The following NSMCE2 variants were observed in gnomAD, a reference collection of about 807,000 sequenced individuals.
The protein encoded by NSMCE2 is E3 SUMO-protein ligase NSE2.
A neutral mutation model predicts 23.8 loss-of-function variants in NSMCE2; 24 were observed. The observed-to-expected ratio is 1.01, with a 90% confidence interval of 0.73 to 1.42. The LOEUF is 1.42. Ranked by LOEUF, NSMCE2 falls within the 40% of genes most tolerant of loss-of-function variation. The pLI, the probability that NSMCE2 is intolerant of heterozygous loss-of-function variation, is 0.00. For synonymous variants in NSMCE2, 92 were observed against 94.1 expected, an observed-to-expected ratio of 0.98 and a Z score of 0.13; for missense variants, 284 against 296.5, an observed-to-expected ratio of 0.96 and a Z score of 0.31.
chr8:125,206,466 G>A (rs1299125089), intron 5 of NSMCE2, among the ~76,000 whole-genome samples: 1 of 152,212 alleles, frequency 6.6e-6, no homozygotes. Flanking sequence ...CAGGGGTTTA[G>A]TCAAGTACTG....
At chr8:125,141,005 G>T (rs543759175) in intron 3 of NSMCE2, among the ~76,000 whole-genome samples, 1 of 152,128 alleles carries the variant, frequency 6.6e-6, no homozygotes, top group Non-Finnish European at 1.5e-5. Flanking sequence ...GCCAAAGGGG[G>T]TCTGCGGATA....
At chr8:125,233,101 A>G (rs972881941) in intron 5 of NSMCE2, among the ~76,000 whole-genome samples, 1 of 152,178 alleles carries the variant, frequency 6.6e-6, no homozygotes, top group Non-Finnish European at 1.5e-5. Flanking sequence ...ATCACTTTGA[A>G]GCTTGCCCAG....
intron 5 of NSMCE2, among the ~76,000 whole-genome samples, chr8:125,279,586 G>C (rs922190545): frequency 6.6e-6 from 1 of 152,212 alleles, no homozygotes; most frequent in Non-Finnish European, 1.5e-5. Flanking sequence ...CTGGTCCTAA[G>C]TGGCAAAATG....
At chr8:125,099,284 CG>C (rs1463977460) in intron 1 of NSMCE2, among the ~76,000 whole-genome samples, 3 of 151,874 alleles carry the variant, frequency 2.0e-5, no homozygotes, top group Non-Finnish European at 4.4e-5. Context: ...GAGGGCTTGC[CG>C]TTGTATATCA....
At chr8:125,105,438 G>A (rs910236882) in intron 3 of NSMCE2, among the ~76,000 whole-genome samples, 5 of 152,016 alleles carry the variant, frequency 3.3e-5, no homozygotes, top group Non-Finnish European at 7.4e-5. Flanking sequence ...TCTTTTTGAA[G>A]ATTCCTGGGA....
chr8:125,151,302 A>T (rs1304397826), intron 4 of NSMCE2, 25 bp downstream of exon 4: 2 of 1,212,176 alleles, frequency 1.6e-6, no homozygotes, highest in Non-Finnish European at 2.4e-6. Flanking sequence ...CTCCCTGGTT[A>T]TATATTTGGT....
chr8:125,306,596 A>C (rs1563774441), intron 5 of NSMCE2, among the ~76,000 whole-genome samples: 1 of 152,234 alleles, frequency 6.6e-6, no homozygotes, highest in Non-Finnish European at 1.5e-5. Flanking sequence ...AGACCTGCAC[A>C]AAATGTGAAA....
In NSMCE2 at chr8:125,102,310, A is replaced by G. The variant is rs1818231564; in HGVS notation, c.-14-7A>G. On this transcript the variant is annotated splice_region_variant and splice_polypyrimidine_tract_variant and intron_variant, in intron 2 of 7. Coordinates refer to ENST00000287437, the MANE Select transcript of NSMCE2 (RefSeq NM_173685.4). ...CGAATCTTGTTTCATTGTGTTTGAA[A>G]ACTTAGGTACTAATTTCAAGATGCC... The G allele has an allele frequency of 1.2e-6, 2 of 1,601,026 alleles. No homozygotes were observed. The highest frequency in any genetic ancestry group is 1.3e-5 in the African/African-American group (1 of 74,468).
chr8:125,206,820 G>C (rs1032636656), intron 5 of NSMCE2, among the ~76,000 whole-genome samples: 1 of 152,254 alleles, frequency 6.6e-6, no homozygotes, highest in South Asian at 2.1e-4. Context: ...TAAAGAGAGG[G>C]GGAGAAAGGC....
intron 5 of NSMCE2, among the ~76,000 whole-genome samples, chr8:125,233,018 C>T (rs761065379): frequency 3.3e-5 from 5 of 152,170 alleles, no homozygotes; most frequent in Non-Finnish European, 5.9e-5. Context: ...GGCTTAGTTA[C>T]GCAATTGCCG....
chr8:125,275,309 C>T (rs115816345), intron 5 of NSMCE2, among the ~76,000 whole-genome samples: 16 of 152,258 alleles, frequency 1.1e-4, no homozygotes, highest in African/African-American at 3.9e-4. Context: ...TCTTCTAGCC[C>T]TCTCATGTCA....
intron 5 of NSMCE2, among the ~76,000 whole-genome samples, chr8:125,253,704 T>C (rs1277056355): frequency 1.3e-5 from 2 of 152,214 alleles, no homozygotes; most frequent in Non-Finnish European, 2.9e-5. Context: ...GCTAAATTAG[T>C]ATTGTGCCTT....
intron 4 of NSMCE2, among the ~76,000 whole-genome samples, chr8:125,152,860 C>G (rs1371799193): frequency 6.6e-6 from 1 of 151,966 alleles, no homozygotes; most frequent in Non-Finnish European, 1.5e-5. Flanking sequence ...GAGTTTGAGA[C>G]CAGCCTGGCC....
chr8:125,270,290 A>C (rs937596959), intron 5 of NSMCE2, among the ~76,000 whole-genome samples: 2 of 151,976 alleles, frequency 1.3e-5, no homozygotes, highest in Non-Finnish European at 2.9e-5. Context: ...AACATGCTGA[A>C]CCTCTGTCTA....
At chr8:125,349,973 C>G (rs147386133) in intron 5 of NSMCE2, among the ~76,000 whole-genome samples, 1 of 152,202 alleles carries the variant, frequency 6.6e-6, no homozygotes, top group Non-Finnish European at 1.5e-5. Flanking sequence ...TGTGTTGCCA[C>G]GTCTGCTAAA....
intron 5 of NSMCE2, among the ~76,000 whole-genome samples, chr8:125,346,332 T>G (rs1311601197): frequency 6.6e-6 from 1 of 152,124 alleles, no homozygotes; most frequent in African/African-American, 2.4e-5. Context: ...GGAGACAGAC[T>G]CAAGATAAAG....
At chr8:125,151,479 A>G (rs1821026813) in intron 4 of NSMCE2, 1 of 385,748 alleles carries the variant, frequency 2.6e-6, no homozygotes, top group East Asian at 3.8e-5. Flanking sequence ...GTTGATTAAC[A>G]TATTAAATCT....
At chr8:125,310,027 C>A (rs1290341194) in intron 5 of NSMCE2, among the ~76,000 whole-genome samples, 1 of 152,136 alleles carries the variant, frequency 6.6e-6, no homozygotes. Flanking sequence ...ATGGGGGGAC[C>A]CTCATCCTAG....
At chr8:125,354,168 G>C (rs1813156857) in intron 5 of NSMCE2, among the ~76,000 whole-genome samples, 2 of 152,002 alleles carry the variant, frequency 1.3e-5, no homozygotes, top group South Asian at 4.1e-4. Flanking sequence ...CTGACCTCAG[G>C]TGATCTGCCC....
Sources: gnomAD v4.1 joint callset for allele counts (sites outside exome capture counted in the v4.1 genomes callset) on GRCh38, gnomAD v4.1.1 for gene constraint, MANE v1.5 for transcripts, NCBI Gene and HGNC (gene_info 2026-07-23, HGNC 2026-07-21) for gene names.